Variants in CCDC107 observed in about 807,000 individuals in gnomAD.
CCDC107 encodes the protein coiled-coil domain containing 107, also known as coiled-coil domain-containing protein 107.
CCDC107 carries 17 observed loss-of-function variants against 17.9 expected under a neutral mutation model. The ratio of observed to expected loss-of-function variants is 0.95; its 90% CI spans 0.65 to 1.42. The LOEUF (loss-of-function observed/expected upper bound fraction) is 1.42, where lower values mean the gene tolerates loss of function less well. CCDC107 is among the 40% of genes most tolerant of loss of function. CCDC107 has a pLI of 0.00. For synonymous variants in CCDC107, 170 were observed against 157.2 expected, an observed-to-expected ratio of 1.08 and a Z score of -0.61; for missense variants, 388 against 360.1, an observed-to-expected ratio of 1.08 and a Z score of -0.63.
chr9:35,658,319 G>A lies in CCDC107; in HGVS notation c.-61G>A, dbSNP rs554855145. 1.5e-4 allele frequency: 197 copies of A among 1,282,154 alleles called. 2 individuals carry two copies. In the South Asian group the frequency reaches 4.4e-3, roughly 28 times the overall value. The allele number at this position is 1,282,154 out of a possible 1,614,324, so 79.4% of individuals were successfully genotyped here. A position where few individuals can be genotyped will look rare whatever the true frequency, so the allele number is the denominator to read the frequency against. On this transcript the variant is annotated 5_prime_UTR_variant, in exon 1 of 5. Coordinates refer to ENST00000426546, the MANE Select transcript of CCDC107 (RefSeq NM_174923.3). ...TCGCGTGCGCGTGCGCGTTGGGGCG[G>A]CCGGCCAATGCCGGACCGCTTCGGC...
In CCDC107 at chr9:35,658,677, G is replaced by T. The variant is rs770935195; in HGVS notation, c.208G>T (p.Ala70Ser). 3 of 1,572,054 alleles carry T rather than the reference G, an allele frequency of 1.9e-6. No individual in the cohort carries two copies. The highest frequency in any genetic ancestry group is 4.9e-5 in the East Asian group (2 of 40,932). The change falls in exon 2 of 5, where the codon GCG (alanine) becomes TCG (serine). Residue 70 changes from alanine (A) to serine (S), a missense_variant. Ala to Ser is a moderately conservative substitution (Grantham distance 99). Coordinates refer to ENST00000426546, the MANE Select transcript of CCDC107 (RefSeq NM_174923.3). ...RTRAGSLPLG[A>S]LYTAAVAAFV... is the part of the protein sequence containing the mutation. ...CCGGGCCGGGTCGCTGCCTCTGGGG[G>T]CGCTGTACACCGCGGCCGTCGCGGC...
chr9:35,658,870 G>A, intron 2 of CCDC107, 143 bp downstream of exon 2: 1 of 494,232 alleles, frequency 2.0e-6, no homozygotes, highest in South Asian at 3.4e-5. Context: ...AAAGACAGTA[G>A]TCCGTTGGCC....
intron 1 of CCDC107, 27 bp downstream of exon 1, chr9:35,658,512 G>A (rs1297440970): frequency 7.3e-6 from 11 of 1,503,700 alleles, no homozygotes; most frequent in African/African-American, 1.4e-5. Context: ...CTGGAGGAGG[G>A]CTGGGACTGC....
chr9:35,659,700 T>C (rs10441726), intron 2 of CCDC107: 26,121 of 152,104 alleles, frequency 0.17, 2,816 homozygotes, highest in African/African-American at 0.31. Context: ...CTCAGGAAAG[T>C]GGGTGAGGGT....
In CCDC107 at chr9:35,661,386, A is replaced by G. The variant is rs563435557; in HGVS notation, c.*199A>G. On this transcript the variant is annotated 3_prime_UTR_variant, in exon 5 of 5. Coordinates refer to ENST00000426546, the MANE Select transcript of CCDC107 (RefSeq NM_174923.3). ...TGAGGCCACCAGCATGCCCGCGTTC[A>G]GGGCCCAAAAATCCCTTTTCTCATA... is the stretch of plus-strand genomic sequence containing the variant. 7.3e-4 allele frequency: 339 copies of G among 466,824 alleles called. No individual in the cohort carries two copies. The highest frequency in any genetic ancestry group is 6.1e-3 in the African/African-American group (304 of 50,164). The allele number at this position is 466,824 out of a possible 1,614,324, so 28.9% of individuals were successfully genotyped here.
rs201836449 is a variant in CCDC107, at chr9:35,660,417, C to T, written c.275C>T (p.Ala92Val). 5.2e-5 allele frequency: 84 copies of T among 1,606,862 alleles called. No individual in the cohort carries two copies. The Admixed American group carries it at 1.2e-3, about 24-fold the overall frequency. Residue 92 changes from alanine (A) to valine (V), a missense_variant, in exon 3 of 5, where the codon GCG (alanine) becomes GTG (valine). Transcript: ENST00000426546. ...YKCLQGKDET[A>V]VLHEEASKQQ... ...CCACAACAGGGGAAAGATGAAACTG[C>T]GGTTCTCCACGAGGAGGCAAGCAAG...
chr9:35,661,382 G>A lies in CCDC107; in HGVS notation c.*195G>A, dbSNP rs10972554. On this transcript the variant is annotated 3_prime_UTR_variant, in exon 5 of 5. Transcript: ENST00000426546. Reference sequence around the variant, plus strand: ...TTCCTGAGGCCACCAGCATGCCCGCGTTCAGGGCCCAAAAATCCCTTTTCT... The same window carrying A: ...TTCCTGAGGCCACCAGCATGCCCGCATTCAGGGCCCAAAAATCCCTTTTCT... 0.31 allele frequency: 143,004 copies of A among 467,362 alleles called. 23,912 individuals carry two copies. Among genetic ancestry groups the A allele is most frequent in the East Asian group, 0.53 (16,156 of 30,474 alleles). The allele number at this position is 467,362 out of a possible 1,614,324, so 29.0% of individuals were successfully genotyped here.
rs761267468 is a variant in CCDC107 at position 35,661,153 on chromosome 9, C to G, written c.818C>G (p.Ala273Gly). The change falls in exon 5 of 5, where the codon GCT becomes GGT. Residue 273 changes from alanine to glycine, a missense_variant. Physicochemically the swap from Ala to Gly is moderately conservative, Grantham distance 60 (BLOSUM62 0). Coordinates refer to ENST00000426546, the MANE Select transcript of CCDC107 (RefSeq NM_174923.3). ...HSLGWEGGTT[A>G]EGRLKQSLFS The stretch of plus-strand genomic sequence containing the variant: ...CTTGGCTGGGAAGGAGGGACGACAG[C>G]TGAAGGTCGACTAAAACAAAGTCTG... 3 of 1,607,166 alleles carry G rather than the reference C, an allele frequency of 1.9e-6. No homozygotes were observed. The Admixed American group carries it at 5.1e-5, about 27-fold the overall frequency.
chr9:35,658,312 T>C lies in CCDC107; in HGVS notation c.-68T>C. Reference sequence around the variant, plus strand: ...GGCCTGCTCGCGTGCGCGTGCGCGTTGGGGCGGCCGGCCAATGCCGGACCG... The same window carrying C: ...GGCCTGCTCGCGTGCGCGTGCGCGTCGGGGCGGCCGGCCAATGCCGGACCG... On this transcript the variant is annotated 5_prime_UTR_variant, in exon 1 of 5. Transcript: ENST00000426546. 7.9e-7 allele frequency: 1 copy of C among 1,266,428 alleles called. No homozygotes were observed. Among genetic ancestry groups the C allele is most frequent in the South Asian group, 2.4e-5 (1 of 41,024 alleles). 78.4% of individuals were successfully genotyped at this position (1,266,428 alleles called of 1,614,324 possible).
chr9:35,658,350 C>T lies in CCDC107; in HGVS notation c.-30C>T, dbSNP rs1823677318. On this transcript the variant is annotated 5_prime_UTR_variant, in exon 1 of 5. Coordinates refer to ENST00000426546, the MANE Select transcript of CCDC107 (RefSeq NM_174923.3). ...CAATGCCGGACCGCTTCGGCACCGC[C>T]CGCCCGATCCCTCCACCCGTGGGCC... 1 of 1,349,912 alleles carries T rather than the reference C, an allele frequency of 7.4e-7. No individual in the cohort carries two copies. The highest frequency in any genetic ancestry group is 9.5e-7 in the Non-Finnish European group (1 of 1,049,792). 83.6% of individuals were successfully genotyped at this position (1,349,912 alleles called of 1,614,324 possible).
rs1179184809 is a variant in CCDC107 at position 35,658,477 on chromosome 9, C to T, written c.98C>T (p.Ala33Val). 2 of 1,472,594 alleles carry T rather than the reference C, an allele frequency of 1.4e-6. No homozygotes were observed. The highest frequency in any genetic ancestry group is 1.5e-5 in the African/African-American group (1 of 68,786). 91.2% of individuals were successfully genotyped at this position (1,472,594 alleles called of 1,614,324 possible). ...GACCGCGCCAATCCCGACCTCCGGG[C>T]ACACCCAGGTACCAGCTAGGGCTGC... ...LGDRANPDLR[A>V]HPGNAAHPGS... Residue 33 changes from alanine to valine, a missense_variant, in exon 1 of 5, where the codon GCA becomes GTA. Ala to Val is a moderately conservative substitution (Grantham distance 64, BLOSUM62 0). Transcript: ENST00000426546.
In CCDC107 at chr9:35,661,283, A is replaced by T; in HGVS notation, c.*96A>T. On this transcript the variant is annotated 3_prime_UTR_variant, in exon 5 of 5. Transcript: ENST00000426546. The stretch of plus-strand genomic sequence containing the variant: ...TGGGCCTTCTTGAAGAGCTGTCCTT[A>T]TTAGGACAAAAAGAGGCTGCCTTCC... The T allele has an allele frequency of 1.2e-6, 1 of 842,054 alleles. No homozygotes were observed. The highest frequency in any genetic ancestry group is 1.8e-6 in the Non-Finnish European group (1 of 542,276). The allele number at this position is 842,054 out of a possible 1,614,324, so 52.2% of individuals were successfully genotyped here. A position where few individuals can be genotyped will look rare whatever the true frequency, so the allele number is the denominator to read the frequency against.
In CCDC107 at chr9:35,658,385, G is replaced by C. The variant is rs1823681845; in HGVS notation, c.6G>C (p.Ala2=). Residue 2 remains alanine, a synonymous_variant, in exon 1 of 5, where the codon GCG becomes GCC. Transcript: ENST00000426546. The part of the protein sequence containing the change: M[A]GAVSLLGVVG... ...CCTCCACCCGTGGGCCGGCAATGGCGGGCGCAGTTTCGCTCTTGGGTGTGG... is the reference window on the plus strand; with the variant it reads ...CCTCCACCCGTGGGCCGGCAATGGCCGGCGCAGTTTCGCTCTTGGGTGTGG... 3.6e-6 allele frequency: 5 copies of C among 1,398,824 alleles called. No homozygotes were observed. In the East Asian group the frequency reaches 1.5e-4, roughly 42 times the overall value. 86.7% of individuals were successfully genotyped at this position (1,398,824 alleles called of 1,614,324 possible). A position where few individuals can be genotyped will look rare whatever the true frequency, so the allele number is the denominator to read the frequency against.
Position 35,658,771 on chromosome 9 carries a change from CCGCCGGG to C in CCDC107, c.258+47_258+53del, listed in dbSNP as rs771696725. 91 of 1,303,670 alleles carry C rather than the reference CCGCCGGG, an allele frequency of 7.0e-5. 1 individual carries two copies. The highest frequency in any genetic ancestry group is 6.2e-6 in the Non-Finnish European group (6 of 973,120). The allele number at this position is 1,303,670 out of a possible 1,614,324, so 80.8% of individuals were successfully genotyped here. On this transcript the variant is annotated intron_variant, in intron 2 of 4. Transcript: ENST00000426546. ...TAGGGGTGCCCCTGCAGGTGCGGGACCGCCGGGCGTGGGGATCCCCTGAGCCCGAATC... is the reference window on the plus strand; with the variant it reads ...TAGGGGTGCCCCTGCAGGTGCGGGACCGTGGGGATCCCCTGAGCCCGAATC...
intron 2 of CCDC107, 172 bp from the exon 3 acceptor site, chr9:35,660,229 G>A (rs1361215957): frequency 3.6e-5 from 21 of 585,998 alleles, no homozygotes; most frequent in Middle Eastern, 4.5e-4. Flanking sequence ...ATAGGACGTC[G>A]CTTCATATGC....
Position 35,658,617 on chromosome 9 carries a change from C to T in CCDC107, c.148C>T (p.Arg50Trp). The T allele has an allele frequency of 6.4e-7, 1 of 1,569,518 alleles. No homozygotes were observed. Among genetic ancestry groups the T allele is most frequent in the Non-Finnish European group, 8.6e-7 (1 of 1,160,762 alleles). Residue 50 changes from arginine to tryptophan, a missense_variant, in exon 2 of 5, where the codon CGG becomes TGG. Coordinates refer to ENST00000426546, the MANE Select transcript of CCDC107 (RefSeq NM_174923.3). The stretch of plus-strand genomic sequence containing the variant: ...CGGCTCTGGAGCCACGGAACCCCGG[C>T]GGCGACCACCGCTCAAGGATCAACG... ...HPGSGATEPR[R>W]RPPLKDQRER...
In CCDC107 at chr9:35,661,238, A is replaced by T. The variant is rs376817292; in HGVS notation, c.*51A>T. The T allele has an allele frequency of 9.7e-5, 132 of 1,358,204 alleles. No individual in the cohort carries two copies. Among genetic ancestry groups the T allele is most frequent in the Non-Finnish European group, 1.3e-4 (127 of 984,678 alleles). The allele number at this position is 1,358,204 out of a possible 1,614,324, so 84.1% of individuals were successfully genotyped here. On this transcript the variant is annotated 3_prime_UTR_variant, in exon 5 of 5. Coordinates refer to ENST00000426546, the MANE Select transcript of CCDC107 (RefSeq NM_174923.3). ...ATCCTAGTTGGTTGTACACACCCAT[A>T]CTAGGTGCCTAAGGACAACTGGGCC...
chr9:35,660,698 G>A, intron 4 of CCDC107, 48 bp from the exon 5 acceptor site: 1 of 1,613,734 alleles, frequency 6.2e-7, no homozygotes, highest in Non-Finnish European at 8.5e-7. Flanking sequence ...TGGCAGGAGG[G>A]AGGAATGGGG....
intron 2 of CCDC107, 84 bp from the exon 3 acceptor site, chr9:35,660,317 C>G (rs1399323408): frequency 8.3e-7 from 1 of 1,210,744 alleles, no homozygotes; most frequent in Non-Finnish European, 1.2e-6. Flanking sequence ...TCAAATTGCA[C>G]TCTCTCTTGG....
Sources: gnomAD v4.1 joint callset for allele counts on GRCh38, gnomAD v4.1.1 for gene constraint, MANE v1.5 for transcripts, NCBI Gene and HGNC (gene_info 2026-07-23, HGNC 2026-07-21) for gene names.